Variants in ADGRG6 observed in about 807,000 individuals in gnomAD.
ADGRG6 encodes G-protein coupled receptor 126.
ADGRG6 carries 84 observed loss-of-function variants against 142.4 expected under a neutral mutation model. The ratio of observed to expected loss-of-function variants is 0.59; its 90% CI spans 0.49 to 0.71. The LOEUF is 0.71. Among genes scored for constraint, ADGRG6 ranks in the 30% least tolerant of loss-of-function variants. ADGRG6 has a pLI of 0.00. For synonymous variants in ADGRG6, 521 were observed against 520.5 expected, an observed-to-expected ratio of 1.00 and a Z score of -0.01; for missense variants, 1,367 against 1,466.6, an observed-to-expected ratio of 0.93 and a Z score of 1.11.
intron 5 of ADGRG6, among the ~76,000 whole-genome samples, chr6:142,382,397 A>G (rs1781812805): frequency 6.6e-6 from 1 of 152,220 alleles, no homozygotes; most frequent in African/African-American, 2.4e-5. Flanking sequence ...TATAAAATAA[A>G]GAGGGAAATT....
rs921959545 is a variant in ADGRG6 at position 142,335,178 on chromosome 6, G to A, written c.103+25534G>A. ...TGAGAACCAAGAGATCAGAAATAGTGTTAAGTCATGGGGAACCTTGAATTT... is the reference window on the plus strand; with the variant it reads ...TGAGAACCAAGAGATCAGAAATAGTATTAAGTCATGGGGAACCTTGAATTT... On this transcript the variant is annotated intron_variant, in intron 2 of 24. Coordinates refer to ENST00000367609, the MANE Select transcript of ADGRG6 (RefSeq NM_198569.3). 1.5e-4 allele frequency among the ~76,000 whole-genome samples: 23 copies of A among 152,310 alleles called. 1 individual carries two copies. The highest frequency in any genetic ancestry group is 5.5e-4 in the African/African-American group (23 of 41,576).
rs1351909004 is a variant in ADGRG6 at position 142,443,740 on chromosome 6, C to T, written c.*225C>T. The T allele has an allele frequency of 2.5e-6, 1 of 398,068 alleles. No homozygotes were observed. Among genetic ancestry groups the T allele is most frequent in the South Asian group, 4.8e-5 (1 of 20,884 alleles). 24.7% of individuals were successfully genotyped at this position (398,068 alleles called of 1,614,324 possible). A position where few individuals can be genotyped will look rare whatever the true frequency, so the allele number is the denominator to read the frequency against. The stretch of plus-strand genomic sequence containing the variant: ...CTTCAGTACTGAGAGTAACATGACT[C>T]AGTAGCCACAGAAGCTATGATTTGT... On this transcript the variant is annotated 3_prime_UTR_variant, in exon 25 of 25. Coordinates refer to ENST00000367609, the MANE Select transcript of ADGRG6 (RefSeq NM_198569.3).
rs1204007646 is a variant in ADGRG6, at chr6:142,444,917, G to C, written c.*1402G>C. The C allele has an allele frequency of 6.6e-6, 1 of 152,184 alleles. No homozygotes were observed. Among genetic ancestry groups the C allele is most frequent in the African/African-American group, 2.4e-5 (1 of 41,454 alleles). 9.4% of individuals were successfully genotyped at this position (152,184 alleles called of 1,614,324 possible). On this transcript the variant is annotated 3_prime_UTR_variant, in exon 25 of 25. Transcript: ENST00000367609. ...GTTCTGGGAGGCAACAGCATTAAGT[G>C]ATAAGAAAAGGAGACATTCTGGCAA...
intron 2 of ADGRG6, among the ~76,000 whole-genome samples, chr6:142,319,854 A>T (rs1295229126): frequency 6.6e-6 from 1 of 152,104 alleles, no homozygotes; most frequent in Non-Finnish European, 1.5e-5. Context: ...GGCTAATTTA[A>T]GTTTAAAACT....
At chr6:142,381,723 A>G (rs557059781) in intron 4 of ADGRG6, among the ~76,000 whole-genome samples, 2 of 152,260 alleles carry the variant, frequency 1.3e-5, no homozygotes, top group South Asian at 2.1e-4. Flanking sequence ...TTTTCTTTTC[A>G]TGTGTGATGA....
chr6:142,402,646 A>G lies in ADGRG6; in HGVS notation c.1771A>G (p.Ile591Val). 6.2e-7 allele frequency: 1 copy of G among 1,601,554 alleles called. No individual in the cohort carries two copies. The change falls in exon 13 of 25, where the codon ATT becomes GTT. Residue 591 changes from isoleucine (I) to valine (V), a missense_variant. Around this residue, in one of 3 missense-constraint regions of ADGRG6, gnomAD observed 737 missense variants for 746.5 expected, o/e 0.99. Coordinates refer to ENST00000367609, the MANE Select transcript of ADGRG6 (RefSeq NM_198569.3). ...LKEANEVANQ[I>V]LNLTADGQNL... Reference sequence around the variant, plus strand: ...AGAAGCAAATGAAGTTGCTAACCAGATTTTAAATTTAACTGCTGATGGGCA... The same window carrying G: ...AGAAGCAAATGAAGTTGCTAACCAGGTTTTAAATTTAACTGCTGATGGGCA...
chr6:142,311,686 C>A (rs1777777042), intron 2 of ADGRG6, among the ~76,000 whole-genome samples: 1 of 151,858 alleles, frequency 6.6e-6, no homozygotes, highest in African/African-American at 2.4e-5. Context: ...CTAGGTAACA[C>A]CTAGATGATC....
chr6:142,400,327 T>G (rs1775445610), intron 10 of ADGRG6, among the ~76,000 whole-genome samples, 158 bp from the exon 11 acceptor site: 1 of 152,216 alleles, frequency 6.6e-6, no homozygotes, highest in Non-Finnish European at 1.5e-5. Context: ...TCTAATTTTT[T>G]TTTTTACAAA....
intron 4 of ADGRG6, among the ~76,000 whole-genome samples, chr6:142,375,795 T>A (rs981933675): frequency 1.3e-5 from 2 of 152,120 alleles, no homozygotes; most frequent in Non-Finnish European, 2.9e-5. Flanking sequence ...CTAAATAAAT[T>A]TTAGTACGAA....
chr6:142,406,796 G>T (rs1173522769), intron 15 of ADGRG6, among the ~76,000 whole-genome samples: 2 of 152,096 alleles, frequency 1.3e-5, no homozygotes, highest in Non-Finnish European at 2.9e-5. Context: ...ATGTACAACT[G>T]CAGTTTTAAA....
At chr6:142,430,651 A>G (rs1777167240) in intron 22 of ADGRG6, among the ~76,000 whole-genome samples, 1 of 152,220 alleles carries the variant, frequency 6.6e-6, no homozygotes, top group African/African-American at 2.4e-5. Flanking sequence ...TAACAAGACC[A>G]AGGTTAAACA....
chr6:142,424,944 G>A (rs1036584612), intron 22 of ADGRG6, among the ~76,000 whole-genome samples: 3 of 152,172 alleles, frequency 2.0e-5, no homozygotes, highest in Admixed American at 6.6e-5. Context: ...AAAGATGGGA[G>A]TAAGAGTAGG....
intron 2 of ADGRG6, among the ~76,000 whole-genome samples, chr6:142,352,904 A>G (rs1780258661): frequency 6.6e-6 from 1 of 152,194 alleles, no homozygotes; most frequent in Admixed American, 6.5e-5. Context: ...GAAGTGTGCC[A>G]AGGAAAGCAA....
At chr6:142,419,771 C>T (rs1160191483) in intron 21 of ADGRG6, 50 bp from the exon 22 acceptor site, 8 of 1,420,852 alleles carry the variant, frequency 5.6e-6, no homozygotes, top group Admixed American at 2.2e-5. Flanking sequence ...CTTAGGTAAA[C>T]AGGACATGGT....
chr6:142,431,143 A>G (rs1195333343), intron 22 of ADGRG6, among the ~76,000 whole-genome samples: 2 of 152,038 alleles, frequency 1.3e-5, no homozygotes, highest in South Asian at 2.1e-4. Flanking sequence ...TGAAAGATGG[A>G]AGTGAAATGA....
intron 9 of ADGRG6, among the ~76,000 whole-genome samples, chr6:142,396,434 A>G (rs769665981): frequency 1.3e-5 from 2 of 152,162 alleles, no homozygotes; most frequent in Non-Finnish European, 2.9e-5. Flanking sequence ...AAATTAGCAC[A>G]GATATTTAGG....
At chr6:142,374,452 A>G (rs1781401089) in intron 4 of ADGRG6, among the ~76,000 whole-genome samples, 1 of 152,244 alleles carries the variant, frequency 6.6e-6, no homozygotes, top group African/African-American at 2.4e-5. Flanking sequence ...GGTAAACAGA[A>G]TACACTAGGC....
intron 15 of ADGRG6, among the ~76,000 whole-genome samples, chr6:142,407,623 T>G (rs1309406444): frequency 6.6e-6 from 1 of 152,216 alleles, no homozygotes; most frequent in Non-Finnish European, 1.5e-5. Flanking sequence ...CTGGCAAGTA[T>G]ACAGTCAGAG....
At chr6:142,362,160 G>A (rs1562338192) in intron 2 of ADGRG6, among the ~76,000 whole-genome samples, 1 of 152,146 alleles carries the variant, frequency 6.6e-6, no homozygotes, top group Non-Finnish European at 1.5e-5. Flanking sequence ...TCAAAAAATT[G>A]TCAGTCTTAA....
Sources: gnomAD v4.1 joint callset for allele counts (sites outside exome capture counted in the v4.1 genomes callset) on GRCh38, gnomAD v4.1.1 for gene constraint, gnomAD v4.1.1 regional missense constraint, MANE v1.5 for transcripts, NCBI Gene and HGNC (gene_info 2026-07-23, HGNC 2026-07-21) for gene names.